AMOT: variants seen among roughly 807,000 people sequenced by gnomAD.
AMOT encodes angiomotin.
AMOT carries 11 observed loss-of-function variants against 67.0 expected under a neutral mutation model. The ratio of observed to expected loss-of-function variants is 0.16; its 90% CI spans 0.10 to 0.27. The LOEUF (loss-of-function observed/expected upper bound fraction) is 0.27, where lower values mean the gene tolerates loss of function less well. Ranked by LOEUF, AMOT falls within the 10% of genes least tolerant of loss-of-function variation. AMOT has a pLI of 1.00. For synonymous variants in AMOT, 326 were observed against 321.4 expected, an observed-to-expected ratio of 1.01 and a Z score of -0.15; for missense variants, 753 against 852.0, an observed-to-expected ratio of 0.88 and a Z score of 1.45.
chrX:112,789,485 G>C (rs1168942999), intron 10 of AMOT, among the ~76,000 whole-genome samples: 2 of 110,345 alleles, frequency 1.8e-5, no homozygotes, highest in Non-Finnish European at 3.8e-5. Flanking sequence ...AAGACAAGCA[G>C]ATGACATTAG....
rs1333277470 is a variant in AMOT, at chrX:112,790,711, C to T, written c.1998G>A (p.Glu666=). 5.8e-6 allele frequency: 7 copies of T among 1,211,073 alleles called. No individual in the cohort carries two copies. Among genetic ancestry groups the T allele is most frequent in the Non-Finnish European group, 7.8e-6 (7 of 895,188 alleles). Residue 666 remains glutamate (E), a synonymous_variant, in exon 10 of 14, where the codon GAG becomes GAA. Coordinates refer to ENST00000371959, the MANE Select transcript of AMOT (RefSeq NM_001113490.2). ...NAAALMELLR[E]KEERILALEA... ...CCAGAGCCAGAATCCTCTCCTCTTT[C>T]TCCCGAAGGAGCTCCATCAGTGCAG...
intron 2 of AMOT, among the ~76,000 whole-genome samples, chrX:112,831,651 C>G (rs1256628970): frequency 9.1e-6 from 1 of 109,455 alleles, no homozygotes; most frequent in Admixed American, 9.8e-5. Context: ...TATCAAAAAC[C>G]TATAAGCTGA....
chrX:112,779,015 A>G lies in AMOT; in HGVS notation c.3139T>C (p.Cys1047Arg), dbSNP rs757323299. Residue 1047 changes from cysteine to arginine, a missense_variant, in exon 13 of 14, where the codon TGC (cysteine) becomes CGC (arginine). Coordinates refer to ENST00000371959, the MANE Select transcript of AMOT (RefSeq NM_001113490.2). Reference protein sequence around the residue: ...PHRLSIPSLTCNPDKTDGPVF... With the variant: ...PHRLSIPSLTRNPDKTDGPVF... ...TAATTACCTGTTTTGTCTGGATTGC[A>G]GGTCAAACTTGGTATAGACAAACGA... 15 of 1,211,131 alleles carry G rather than the reference A, an allele frequency of 1.2e-5. No homozygotes were observed. The highest frequency in any genetic ancestry group is 1.7e-5 in the African/African-American group (1 of 57,925).
chrX:112,805,370 T>TACACAC (rs55909349), intron 7 of AMOT, among the ~76,000 whole-genome samples: 16 of 89,596 alleles, frequency 1.8e-4, no homozygotes, highest in Non-Finnish European at 3.1e-4. Context: ...ATACAAAGAA[T>TACACAC]ACACACACAC....
At chrX:112,835,945 G>T (rs1266360275) in intron 1 of AMOT, among the ~76,000 whole-genome samples, 2 of 111,647 alleles carry the variant, frequency 1.8e-5, no homozygotes, top group Non-Finnish European at 3.8e-5. Context: ...GAAAATTAAA[G>T]AACTATGAAA....
At chrX:112,806,196 G>A (rs949589703) in intron 7 of AMOT, among the ~76,000 whole-genome samples, 5 of 108,484 alleles carry the variant, frequency 4.6e-5, no homozygotes, top group African/African-American at 1.7e-4. Context: ...GAACCCGGGA[G>A]GCAGAGGTTG....
Position 112,778,611 on chromosome X carries a change from G to C in AMOT, c.3211C>G (p.Leu1071Val), listed in dbSNP as rs201065901. The C allele has an allele frequency of 5.8e-6, 7 of 1,207,150 alleles. No homozygotes were observed. The East Asian group carries it at 1.8e-4, about 31-fold the overall frequency. Reference sequence around the variant, plus strand: ...ATCTCTGCATCAGGCTCTTGTCCCAGGATCTGAATGGGAGTTTTTCTTTCC... The same window carrying C: ...ATCTCTGCATCAGGCTCTTGTCCCACGATCTGAATGGGAGTTTTTCTTTCC... Reference protein sequence around the residue: ...TLERKTPIQILGQEPDAEMVE... With the variant: ...TLERKTPIQIVGQEPDAEMVE... Residue 1071 changes from leucine (L) to valine (V), a missense_variant, in exon 14 of 14, where the codon CTG becomes GTG. Coordinates refer to ENST00000371959, the MANE Select transcript of AMOT (RefSeq NM_001113490.2).
intron 1 of AMOT, among the ~76,000 whole-genome samples, chrX:112,833,178 A>C (rs1935039466): frequency 8.9e-6 from 1 of 111,935 alleles, no homozygotes; most frequent in Non-Finnish European, 1.9e-5. Context: ...GATGCGGGGA[A>C]AGGAGGGCCA....
At position 112,830,039 on chromosome X, in the gene AMOT, A is replaced by G. The variant is rs1431995853; in HGVS notation, c.-212+2255T>C. Among the ~76,000 whole-genome samples the G allele has an allele frequency of 8.0e-5, 9 of 112,193 alleles. No individual in the cohort carries two copies. The East Asian group carries it at 2.5e-3, about 31-fold the overall frequency. ...CTGCTTGACCAATCTTTAACCGCCA[A>G]TGCCAGACCACCCATTTTCATATCT... On this transcript the variant is annotated intron_variant, in intron 2 of 13. Coordinates refer to ENST00000371959, the MANE Select transcript of AMOT (RefSeq NM_001113490.2).
intron 8 of AMOT, among the ~76,000 whole-genome samples, chrX:112,797,556 G>A (rs1336915953): frequency 2.7e-5 from 3 of 111,608 alleles, no homozygotes; most frequent in Non-Finnish European, 5.7e-5. Flanking sequence ...TGAGGCGGGT[G>A]GATTACTTGA....
chrX:112,782,047 C>A (rs891489251), intron 11 of AMOT, among the ~76,000 whole-genome samples: 1 of 111,459 alleles, frequency 9.0e-6, no homozygotes, highest in Non-Finnish European at 1.9e-5. Context: ...CGCCACCACA[C>A]CTGGCTAATT....
chrX:112,787,969 A>G (rs1432541787), intron 10 of AMOT, among the ~76,000 whole-genome samples: 4 of 110,946 alleles, frequency 3.6e-5, no homozygotes, highest in African/African-American at 1.3e-4. Flanking sequence ...GCACTTTCCA[A>G]TTGTAGCCAA....
intron 6 of AMOT, among the ~76,000 whole-genome samples, chrX:112,810,708 T>G (rs1243177559): frequency 1.2e-5 from 1 of 85,761 alleles, no homozygotes; most frequent in Non-Finnish European, 2.2e-5. Flanking sequence ...AGACTCCAAC[T>G]CAAAGAAAAA....
rs73636630 is a variant in AMOT at position 112,822,143 on chromosome X, T to G, written c.872+112A>C. ...ACGAAGCCAGAGGCCTGTCATGCAT[T>G]GCAGAGTTTGTTATATCAAACACCT... is the stretch of plus-strand genomic sequence containing the variant. On this transcript the variant is annotated intron_variant, in intron 4 of 13. Transcript: ENST00000371959. 7.0e-3 allele frequency: 6,824 copies of G among 973,177 alleles called. 292 individuals carry two copies. The African/African-American group carries it at 0.12, about 17-fold the overall frequency. 80.2% of individuals were successfully genotyped at this position (973,177 alleles called of 1,213,427 possible).
intron 10 of AMOT, 118 bp downstream of exon 10, chrX:112,790,474 C>T (rs1933529612): frequency 2.4e-6 from 2 of 816,562 alleles, no homozygotes; most frequent in African/African-American, 2.1e-5. Context: ...AGAAAACACA[C>T]TTAGGCAGAA....
intron 8 of AMOT, among the ~76,000 whole-genome samples, chrX:112,798,358 T>C (rs1933905672): frequency 8.9e-6 from 1 of 112,682 alleles, no homozygotes; most frequent in Admixed American, 9.4e-5. Flanking sequence ...ATTTTATTCA[T>C]GTGTGGATTC....
chrX:112,795,246 C>CTGTGTG (rs1273867236), intron 8 of AMOT, among the ~76,000 whole-genome samples: 6 of 93,049 alleles, frequency 6.4e-5, no homozygotes, highest in East Asian at 3.2e-4. Flanking sequence ...CTGTCTCTCT[C>CTGTGTG]TCTGTGTGTG....
rs752098156 is a variant in AMOT at position 112,779,450 on chromosome X, T to TGGCAGCAGTGGCAGTGATGGC, written c.2683_2703dup (p.Ala895_Ala901dup). On this transcript the variant is annotated inframe_insertion, in exon 13 of 14. Transcript: ENST00000371959. ...GCAGCTACCATGGTGGTGGTGATGG[T>TGGCAGCAGTGGCAGTGATGGC]GGCAGCAGTGGCAGTGATGGCGGCA... 27 of 1,193,614 alleles carry TGGCAGCAGTGGCAGTGATGGC rather than the reference T, an allele frequency of 2.3e-5. No individual in the cohort carries two copies. The Middle Eastern group carries it at 1.2e-3, about 52-fold the overall frequency.
At chrX:112,790,470 C>T in intron 10 of AMOT, 122 bp downstream of exon 10, 11 of 775,307 alleles carry the variant, frequency 1.4e-5, no homozygotes, top group Non-Finnish European at 2.0e-5. Context: ...TGAAAGAAAA[C>T]ACACTTAGGC....
Sources: allele counts gnomAD v4.1 joint callset (sites outside exome capture counted in the v4.1 genomes callset), GRCh38; gene constraint gnomAD v4.1.1; transcripts MANE v1.5; gene names NCBI Gene and HGNC (gene_info 2026-07-23, HGNC 2026-07-21).